Variants in DHTKD1 observed in about 807,000 individuals in gnomAD.
DHTKD1 encodes the protein dehydrogenase E1 and transketolase domain containing 1.
Under a neutral mutation model 101.8 loss-of-function variants are expected in DHTKD1, and 78 were observed. The ratio of observed to expected loss-of-function variants is 0.77; its 90% confidence interval spans 0.64 to 0.93. The LOEUF is 0.93. Ranked by LOEUF, DHTKD1 falls within the 40% of genes least tolerant of loss-of-function variation. The pLI, the probability that DHTKD1 is intolerant of heterozygous loss-of-function variation, is 0.00. For synonymous variants in DHTKD1, 462 were observed against 450.3 expected (o/e 1.03, Z -0.33); for missense variants, 1,223 against 1,161.7 (o/e 1.05, Z -0.77).
chr10:12,072,791 C>T (rs1411732933), intron 1 of DHTKD1, among the ~76,000 whole-genome samples: 1 of 151,020 alleles, frequency 6.6e-6, no homozygotes, highest in African/African-American at 2.4e-5. Context: ...GGCTGGAGTG[C>T]AATGGCACGA....
chr10:12,100,108 T>C, intron 8 of DHTKD1, 70 bp from the exon 9 acceptor site: 1 of 916,786 alleles, frequency 1.1e-6, no homozygotes, highest in Non-Finnish European at 1.7e-6. Flanking sequence ...CATTAAATTT[T>C]TTGTACTCAT....
rs941940705 is a variant in DHTKD1, at chr10:12,121,048, C to T, written c.*160C>T. On this transcript the variant is annotated 3_prime_UTR_variant, in exon 17 of 17. Transcript: ENST00000263035. ...CAGCCTGGCCAACACGGTGAAACCC[C>T]GCCTCTACTAAAAATACAAAAAATA... 9.9e-5 allele frequency: 51 copies of T among 515,934 alleles called. 1 individual carries two copies. In the Admixed American group the frequency reaches 1.0e-3, roughly 11 times the overall value. 32.0% of individuals were successfully genotyped at this position (515,934 alleles called of 1,614,324 possible). A position where few individuals can be genotyped will look rare whatever the true frequency, so the allele number is the denominator to read the frequency against.
At chr10:12,072,818 C>T (rs1219615495) in intron 1 of DHTKD1, among the ~76,000 whole-genome samples, 1 of 151,818 alleles carries the variant, frequency 6.6e-6, no homozygotes. Flanking sequence ...CTCACCACAA[C>T]CTCTGCCTCC....
At chr10:12,091,818 T>A in intron 6 of DHTKD1, 134 bp downstream of exon 6, 1 of 694,350 alleles carries the variant, frequency 1.4e-6, no homozygotes, top group Non-Finnish European at 2.2e-6. Flanking sequence ...ATTAATTAAT[T>A]TTTTGAGATG....
At chr10:12,082,864 C>T (rs566816395) in intron 2 of DHTKD1, among the ~76,000 whole-genome samples, 5 of 152,068 alleles carry the variant, frequency 3.3e-5, no homozygotes, top group African/African-American at 9.6e-5. Context: ...TGGCCGGGTG[C>T]GGTGGCTCAT....
chr10:12,075,505 G>C (rs920732917), intron 1 of DHTKD1, among the ~76,000 whole-genome samples: 2 of 152,124 alleles, frequency 1.3e-5, no homozygotes. Context: ...CTACCAAAGT[G>C]CTGGGATTAC....
chr10:12,117,384 G>T (rs1436270898), intron 13 of DHTKD1, among the ~76,000 whole-genome samples: 4 of 145,728 alleles, frequency 2.7e-5, no homozygotes, highest in African/African-American at 1.0e-4. Context: ...AGGGAGTCTC[G>T]CTATGTTGCC....
At chr10:12,115,231 G>A (rs1833397560) in intron 13 of DHTKD1, among the ~76,000 whole-genome samples, 2 of 152,112 alleles carry the variant, frequency 1.3e-5, no homozygotes, top group South Asian at 4.2e-4. Flanking sequence ...CCAGTAGCTG[G>A]GATTACAGGC....
At chr10:12,072,327 T>C (rs1317281086) in intron 1 of DHTKD1, among the ~76,000 whole-genome samples, 1 of 152,008 alleles carries the variant, frequency 6.6e-6, no homozygotes, top group Non-Finnish European at 1.5e-5. Context: ...ATTGACCTGG[T>C]GGTGTGTGCC....
intron 6 of DHTKD1, 32 bp from the exon 7 acceptor site, chr10:12,094,041 G>T: frequency 6.3e-7 from 1 of 1,588,214 alleles, no homozygotes; most frequent in Non-Finnish European, 8.6e-7. Context: ...TGGGTTAACT[G>T]TCCTGTTTCG....
Position 12,097,800 on chromosome 10 carries a change from TA to T in DHTKD1, c.1478del (p.Asn493IlefsTer11). ...TACTATGCCAAGTTGAATGATCACT[TA>T]AATAACATGGCCCACTACAGGCCCC... ...SSYYAKLNDH[L>X]NNMAHYRPPA... On this transcript the variant is annotated frameshift_variant, in exon 8 of 17. Coordinates refer to ENST00000263035, the MANE Select transcript of DHTKD1 (RefSeq NM_018706.7). LOFTEE classifies it high-confidence loss of function. 6.2e-7 allele frequency: 1 copy of T among 1,614,194 alleles called. No individual in the cohort carries two copies. The highest frequency in any genetic ancestry group is 8.5e-7 in the Non-Finnish European group (1 of 1,180,038).
At chr10:12,096,172 G>C (rs767814665) in intron 7 of DHTKD1, among the ~76,000 whole-genome samples, 1 of 151,998 alleles carries the variant, frequency 6.6e-6, no homozygotes, top group Non-Finnish European at 1.5e-5. Flanking sequence ...TGTTACTTTG[G>C]AACTTCCTTT....
intron 1 of DHTKD1, among the ~76,000 whole-genome samples, chr10:12,071,554 C>T (rs966171196): frequency 1.3e-5 from 2 of 151,282 alleles, no homozygotes; most frequent in East Asian, 3.9e-4. Flanking sequence ...GGCGGATCAC[C>T]AGGTCAGGAG....
chr10:12,097,569 T>C lies in DHTKD1; in HGVS notation c.1359-115T>C, dbSNP rs547541384. On this transcript the variant is annotated intron_variant, in intron 7 of 16. Transcript: ENST00000263035. ...GATTGTAGGTGTGAGCCACTGCACC[T>C]GTCGAATGCCTTTTTAGAGTGCTGA... The C allele has an allele frequency of 3.6e-5, 32 of 899,006 alleles. No individual in the cohort carries two copies. In the South Asian group the frequency reaches 4.0e-4, roughly 11 times the overall value. 55.7% of individuals were successfully genotyped at this position (899,006 alleles called of 1,614,324 possible).
At chr10:12,086,221 C>G (rs1011172278) in intron 3 of DHTKD1, among the ~76,000 whole-genome samples, 95 of 78,070 alleles carry the variant, frequency 1.2e-3, no homozygotes, top group African/African-American at 4.5e-3. Flanking sequence ...CTTTTGTTTT[C>G]TTTTCTTTTT....
rs773226986 is a variant in DHTKD1, at chr10:12,120,825, T to C, written c.2697T>C (p.Ala899=). Reference sequence around the variant, plus strand: ...GCCGGCCCCCTTTGCCAGTACCCGCTGTAGGAATTGGCACAGTTCACTTGC... The same window carrying C: ...GCCGGCCCCCTTTGCCAGTACCCGCCGTAGGAATTGGCACAGTTCACTTGC... The part of the protein sequence containing the change: ...LVGRPPLPVP[A]VGIGTVHLHQ... Residue 899 remains alanine, a synonymous_variant, in exon 17 of 17, where the codon GCT becomes GCC. Coordinates refer to ENST00000263035, the MANE Select transcript of DHTKD1 (RefSeq NM_018706.7). 1.2e-6 allele frequency: 2 copies of C among 1,614,150 alleles called. No individual in the cohort carries two copies. The highest frequency in any genetic ancestry group is 3.3e-5 in the Admixed American group (2 of 60,014).
chr10:12,095,740 G>C (rs1182727017), intron 7 of DHTKD1, among the ~76,000 whole-genome samples: 1 of 147,614 alleles, frequency 6.8e-6, no homozygotes, highest in Non-Finnish European at 1.5e-5. Context: ...GTGAACCCGG[G>C]AGGCGGAGCT....
At position 12,098,002 on chromosome 10, in the gene DHTKD1, CA is replaced by C; in HGVS notation, c.1671+7del. The stretch of plus-strand genomic sequence containing the variant: ...TGCTGAAGACACATGTTCAGGTGGG[CA>C]GCCTCCAAATGGCTGGTTATTGCTT... On this transcript the variant is annotated splice_region_variant and intron_variant, in intron 8 of 16. Coordinates refer to ENST00000263035, the MANE Select transcript of DHTKD1 (RefSeq NM_018706.7). 6.3e-7 allele frequency: 1 copy of C among 1,590,838 alleles called. No homozygotes were observed. Among genetic ancestry groups the C allele is most frequent in the Non-Finnish European group, 8.6e-7 (1 of 1,164,816 alleles).
At chr10:12,101,904 A>T (rs148241028) in intron 10 of DHTKD1, among the ~76,000 whole-genome samples, 160 of 152,306 alleles carry the variant, frequency 1.1e-3, no homozygotes, top group African/African-American at 3.8e-3. Context: ...ACCCAGCCAG[A>T]TATAACCATG....
Sources: allele counts gnomAD v4.1 joint callset (sites outside exome capture counted in the v4.1 genomes callset), GRCh38; gene constraint gnomAD v4.1.1; transcripts MANE v1.5; gene names NCBI Gene and HGNC (gene_info 2026-07-23, HGNC 2026-07-21).